The following XPNPEP2 variants were observed in gnomAD, a reference collection of about 807,000 sequenced individuals.
XPNPEP2 encodes xaa-Pro aminopeptidase 2.
XPNPEP2 carries 64 observed loss-of-function variants against 59.8 expected under a neutral mutation model. That is an observed-to-expected ratio of 1.07 (90% CI 0.87 to 1.32). The LOEUF is 1.32. XPNPEP2 is among the 40% of genes most tolerant of loss of function. The probability of loss-of-function intolerance (pLI) is 0.00; values close to 1 mark genes in which losing one functional copy is unlikely to be tolerated. For missense variants in XPNPEP2, 575 were observed against 546.8 expected (o/e 1.05, Z -0.51); for synonymous variants, 235 against 210.0 (o/e 1.12, Z -1.03).
chrX:129,763,550 C>T (rs1926695732), intron 19 of XPNPEP2, among the ~76,000 whole-genome samples: 1 of 111,034 alleles, frequency 9.0e-6, no homozygotes, highest in Admixed American at 9.6e-5. Flanking sequence ...CATGCACCTG[C>T]AGTCCCAGCT....
chrX:129,747,498 T>TGGGCTGCA, intron 6 of XPNPEP2, 109 bp from the exon 7 acceptor site: 1 of 1,086,731 alleles, frequency 9.2e-7, no homozygotes, highest in East Asian at 3.0e-5. Context: ...TCCGGGCAGC[T>TGGGCTGCA]GGGCTGCAAA....
chrX:129,742,871 C>T (rs1047520626), intron 2 of XPNPEP2, among the ~76,000 whole-genome samples: 6 of 111,931 alleles, frequency 5.4e-5, no homozygotes, highest in African/African-American at 2.0e-4. Context: ...CACTGCACTC[C>T]AGTCTGGGCG....
At chrX:129,767,107 G>A (rs750282167) in intron 19 of XPNPEP2, among the ~76,000 whole-genome samples, 1 of 111,150 alleles carries the variant, frequency 9.0e-6, no homozygotes, top group Non-Finnish European at 1.9e-5. Flanking sequence ...CCAGCTACTT[G>A]GAAGGCTGAG....
chrX:129,767,686 C>T lies in XPNPEP2; in HGVS notation c.1824C>T (p.Pro608=), dbSNP rs41304538. 2.1e-5 allele frequency: 25 copies of T among 1,209,374 alleles called. No individual in the cohort carries two copies. The highest frequency in any genetic ancestry group is 2.3e-4 in the Middle Eastern group (1 of 4,373). Reference sequence around the variant, plus strand: ...TCATCGATGTCAGCCTGCTGTCTCCCGAGCATGTGAGTGCCCCTCAGCATT... The same window carrying T: ...TCATCGATGTCAGCCTGCTGTCTCCTGAGCATGTGAGTGCCCCTCAGCATT... The part of the protein sequence containing the change: ...RNLIDVSLLS[P]EHLQYLNRYY... The change falls in exon 20 of 21, where the codon CCC becomes CCT. Residue 608 remains proline, a synonymous_variant. Coordinates refer to ENST00000371106, the MANE Select transcript of XPNPEP2 (RefSeq NM_003399.6).
chrX:129,753,271 A>C (rs751681084), intron 11 of XPNPEP2, 23 bp downstream of exon 11: 1 of 1,188,778 alleles, frequency 8.4e-7, no homozygotes, highest in African/African-American at 1.7e-5. Context: ...TCAGGCAGAC[A>C]TGGCCTTTTG....
At chrX:129,759,927 C>T (rs924870169) in intron 15 of XPNPEP2, among the ~76,000 whole-genome samples, 13 of 112,259 alleles carry the variant, frequency 1.2e-4, no homozygotes, top group African/African-American at 4.2e-4. Flanking sequence ...CACCTCCCTC[C>T]GCTGACAGAG....
chrX:129,746,629 C>G lies in XPNPEP2; in HGVS notation c.438C>G (p.Thr146=), dbSNP rs754364604. 2.5e-6 allele frequency: 3 copies of G among 1,208,406 alleles called. No homozygotes were observed. The South Asian group carries it at 5.3e-5, about 21-fold the overall frequency. ...GTTPIVTWLL[T]EIPAGGRVGF... is the part of the protein sequence containing the mutation. ...CTCCTATTGTCACCTGGCTCCTCAC[C>G]GAGATTCCTGCTGGAGGGCGTGTGG... The change falls in exon 6 of 21, where the codon ACC becomes ACG. Residue 146 remains threonine (T), a synonymous_variant. Transcript: ENST00000371106.
chrX:129,751,648 A>AAGGG, intron 8 of XPNPEP2, 97 bp from the exon 9 acceptor site: 1 of 527,053 alleles, frequency 1.9e-6, no homozygotes, highest in Non-Finnish European at 3.1e-6. Context: ...GGAAGGGAGG[A>AAGGG]AGGAAAGAAG....
At chrX:129,745,137 TG>T in intron 3 of XPNPEP2, 65 bp from the exon 4 acceptor site, 1 of 1,158,758 alleles carries the variant, frequency 8.6e-7, no homozygotes. Context: ...GGGATGTGGT[TG>T]GGGGCCTTTC....
intron 4 of XPNPEP2, 27 bp downstream of exon 4, chrX:129,745,293 C>T: frequency 8.3e-7 from 1 of 1,209,324 alleles, no homozygotes; most frequent in Non-Finnish European, 1.1e-6. Flanking sequence ...AGCCCCATTG[C>T]TTTTGTTGGT....
At position 129,745,185 on chromosome X, in the gene XPNPEP2, G is replaced by A. The variant is rs763696658; in HGVS notation, c.235-18G>A. The stretch of plus-strand genomic sequence containing the variant: ...GATACCACGAAAAAGGCTAATGATG[G>A]TGTTGTTGATTTCCTAGAACGAGTA... On this transcript the variant is annotated intron_variant, in intron 3 of 20. Coordinates refer to ENST00000371106, the MANE Select transcript of XPNPEP2 (RefSeq NM_003399.6). 3 of 1,211,171 alleles carry A rather than the reference G, an allele frequency of 2.5e-6. No homozygotes were observed. The Admixed American group carries it at 6.5e-5, about 26-fold the overall frequency.
intron 19 of XPNPEP2, among the ~76,000 whole-genome samples, chrX:129,767,292 G>A (rs1164575551): frequency 1.8e-5 from 2 of 112,482 alleles, no homozygotes; most frequent in African/African-American, 6.5e-5. Flanking sequence ...AGGTTTGGGA[G>A]GTGGGCCCTG....
chrX:129,750,594 G>A (rs1364142649), intron 8 of XPNPEP2, 25 bp downstream of exon 8: 1 of 1,143,474 alleles, frequency 8.7e-7, no homozygotes. Context: ...GCAGACATGG[G>A]TGGGCGCCTG....
chrX:129,756,487 G>C lies in XPNPEP2; in HGVS notation c.1299G>C (p.Pro433=), dbSNP rs145863043. The change falls in exon 14 of 21, where the codon CCG becomes CCC. Residue 433 remains proline (P), a synonymous_variant. Coordinates refer to ENST00000371106, the MANE Select transcript of XPNPEP2 (RefSeq NM_003399.6). ...GLNAALAHYS[P]TKELNRKLSS... is the part of the protein sequence containing the mutation. Reference sequence around the variant, plus strand: ...CAACATTCTCTCCCCTTCTCAGCCCGACCAAGGAGCTGAACCGCAAGCTGT... The same window carrying C: ...CAACATTCTCTCCCCTTCTCAGCCCCACCAAGGAGCTGAACCGCAAGCTGT... The C allele has an allele frequency of 1.2e-5, 15 of 1,211,235 alleles. No homozygotes were observed. Among genetic ancestry groups the C allele is most frequent in the Non-Finnish European group, 1.6e-5 (14 of 895,193 alleles).
In XPNPEP2 at chrX:129,742,143, GGAGGGCAGGATGT is replaced by G; in HGVS notation, c.89_101del (p.Gly30GlufsTer45). 2.5e-6 allele frequency: 3 copies of G among 1,210,174 alleles called. No homozygotes were observed. Among genetic ancestry groups the G allele is most frequent in the Non-Finnish European group, 3.4e-6 (3 of 894,685 alleles). ...GGGCCACACAAAGCCAGTGGACCTT[GGAGGGCAGGATGT>G]GAGAAACTGTTCCACCAACCCCCCT... On this transcript the variant is annotated frameshift_variant, in exon 2 of 21. Transcript: ENST00000371106. LOFTEE classifies it high-confidence loss of function.
At position 129,760,534 on chromosome X, in the gene XPNPEP2, T is replaced by A. The variant is rs1309800814; in HGVS notation, c.1451T>A (p.Ile484Lys). 1 of 1,212,018 alleles carries A rather than the reference T, an allele frequency of 8.3e-7. No homozygotes were observed. Among genetic ancestry groups the A allele is most frequent in the Admixed American group, 2.2e-5 (1 of 46,056 alleles). ...FQKEAYTRVL[I>K]GNIDLSRLIF... ...CAGGAGGCATACACCCGTGTGCTGA[T>A]AGGAAATATTGACCTGTCCAGGCTC... The change falls in exon 16 of 21, where the codon ATA (isoleucine) becomes AAA (lysine). Residue 484 changes from isoleucine (I) to lysine (K), a missense_variant. Coordinates refer to ENST00000371106, the MANE Select transcript of XPNPEP2 (RefSeq NM_003399.6).
intron 14 of XPNPEP2, among the ~76,000 whole-genome samples, chrX:129,757,931 GAAAGAAAGA>G (rs1384138162): frequency 1.9e-5 from 2 of 106,312 alleles, no homozygotes; most frequent in Non-Finnish European, 3.9e-5. Context: ...AAGAAAGAAA[GAAAGAAAGA>G]AAGAAAGAAA....
At chrX:129,760,738 A>G (rs777675735) in intron 16 of XPNPEP2, among the ~76,000 whole-genome samples, 157 bp downstream of exon 16, 24 of 111,865 alleles carry the variant, frequency 2.1e-4, no homozygotes, top group African/African-American at 7.5e-4. Flanking sequence ...TGACTTGCCC[A>G]AGGTCACACA....
intron 1 of XPNPEP2, among the ~76,000 whole-genome samples, chrX:129,741,147 T>C (rs1015789267): frequency 2.3e-5 from 2 of 86,335 alleles, no homozygotes; most frequent in African/African-American, 5.0e-5. Context: ...AGTAGGCGCT[T>C]AGGAGATGGT....
Sources: allele counts gnomAD v4.1 joint callset (sites outside exome capture counted in the v4.1 genomes callset), GRCh38; gene constraint gnomAD v4.1.1; transcripts MANE v1.5; gene names NCBI Gene and HGNC (gene_info 2026-07-23, HGNC 2026-07-21).